Variants in MIS18A observed in about 807,000 individuals in gnomAD.
MIS18A encodes the protein protein Mis18-alpha.
MIS18A carries 14 observed loss-of-function variants against 25.0 expected under a neutral mutation model. The observed-to-expected ratio is 0.56, with a 90% CI of 0.37 to 0.88. The LOEUF (loss-of-function observed/expected upper bound fraction) is 0.88. Ranked by LOEUF, MIS18A falls within the 40% of genes least tolerant of loss-of-function variation. The pLI is 0.00. For missense variants in MIS18A, 292 were observed against 290.8 expected, an observed-to-expected ratio of 1.00 and a Z score of -0.03; for synonymous variants, 134 against 118.6, an observed-to-expected ratio of 1.13 and a Z score of -0.84.
At chr21:32,250,403 C>T in the MIS18A span, among the ~76,000 whole-genome samples, 1 of 152,140 alleles carries the variant, frequency 6.6e-6, no homozygotes, top group Non-Finnish European at 1.5e-5. Context: ...GCAAGGTCAC[C>T]CTCACACTCA....
the MIS18A span, among the ~76,000 whole-genome samples, chr21:32,228,249 T>C: frequency 6.6e-6 from 1 of 152,072 alleles, no homozygotes; most frequent in Non-Finnish European, 1.5e-5. Context: ...CCACCAGACC[T>C]GGCTAATTTT....
the MIS18A span, among the ~76,000 whole-genome samples, chr21:32,184,330 T>G: frequency 6.6e-6 from 1 of 152,212 alleles, no homozygotes; most frequent in Non-Finnish European, 1.5e-5. Context: ...ACTTCCATAC[T>G]GAGAAGATAA....
chr21:32,232,914 A>G, the MIS18A span, among the ~76,000 whole-genome samples: 1 of 152,186 alleles, frequency 6.6e-6, no homozygotes, highest in African/African-American at 2.4e-5. Flanking sequence ...TGCTCTCTAC[A>G]GGGTATTAGA....
At chr21:32,199,107 C>T in the MIS18A span, among the ~76,000 whole-genome samples, 40 of 152,122 alleles carry the variant, frequency 2.6e-4, no homozygotes, top group South Asian at 1.2e-3. Flanking sequence ...CTAAAGTAGG[C>T]GTTTTTCTCA....
chr21:32,199,947 G>A, the MIS18A span, among the ~76,000 whole-genome samples: 14,413 of 152,246 alleles, frequency 0.095, 756 homozygotes, highest in Middle Eastern at 0.17. Context: ...TTACAAAAGT[G>A]TGTTTCAAGA....
At chr21:32,177,357 T>C in the MIS18A span, among the ~76,000 whole-genome samples, 1 of 152,154 alleles carries the variant, frequency 6.6e-6, no homozygotes, top group Admixed American at 6.5e-5. Flanking sequence ...ATGATACTGA[T>C]GATGCATTAC....
chr21:32,193,503 GAT>G, the MIS18A span, among the ~76,000 whole-genome samples: 2 of 110,328 alleles, frequency 1.8e-5, no homozygotes, highest in East Asian at 6.6e-4. Flanking sequence ...TAGATAGATA[GAT>G]AGATAGATAG....
At chr21:32,249,801 G>A in the MIS18A span, among the ~76,000 whole-genome samples, 6 of 152,248 alleles carry the variant, frequency 3.9e-5, no homozygotes, top group South Asian at 2.1e-4. Context: ...GGAGGGCACC[G>A]AGTCATTCAT....
the MIS18A span, among the ~76,000 whole-genome samples, chr21:32,164,595 AG>A: frequency 6.6e-6 from 1 of 151,984 alleles, no homozygotes; most frequent in Admixed American, 6.5e-5. Context: ...CTTTTTCCAA[AG>A]GTCACAGCAC....
downstream of MIS18A, among the ~76,000 whole-genome samples, chr21:32,267,262 C>T (rs374711637): frequency 7.7e-4 from 118 of 152,352 alleles, 2 homozygotes; most frequent in East Asian, 0.021. Flanking sequence ...CCTGGATTGA[C>T]GTTCAGATGC....
intron 2 of MIS18A, among the ~76,000 whole-genome samples, chr21:32,274,439 C>G (rs1311421907): frequency 6.6e-6 from 1 of 151,990 alleles, no homozygotes; most frequent in East Asian, 1.9e-4. Context: ...TCCTGACCCC[C>G]CGGTGATCTG....
chr21:32,182,803 A>T, the MIS18A span, among the ~76,000 whole-genome samples: 1 of 152,178 alleles, frequency 6.6e-6, no homozygotes, highest in East Asian at 1.9e-4. Context: ...ATAAAAGTCA[A>T]TGATCTCCAA....
the MIS18A span, among the ~76,000 whole-genome samples, chr21:32,203,347 G>T: frequency 1.3e-5 from 2 of 151,828 alleles, no homozygotes; most frequent in Admixed American, 1.3e-4. Flanking sequence ...GTCACTAAGA[G>T]CTTAGTACAA....
chr21:32,236,679 T>C, the MIS18A span, among the ~76,000 whole-genome samples: 1 of 152,004 alleles, frequency 6.6e-6, no homozygotes, highest in South Asian at 2.1e-4. Flanking sequence ...GGTAAAGGGG[T>C]GGATATGCCC....
chr21:32,182,656 G>C, the MIS18A span, among the ~76,000 whole-genome samples: 1 of 152,144 alleles, frequency 6.6e-6, no homozygotes, highest in East Asian at 1.9e-4. Context: ...AGGGTGCCAA[G>C]AGATTCACAT....
At chr21:32,197,168 C>T in the MIS18A span, among the ~76,000 whole-genome samples, 2 of 152,156 alleles carry the variant, frequency 1.3e-5, no homozygotes, top group Non-Finnish European at 2.9e-5. Flanking sequence ...AGTTCAGTTC[C>T]GATCCCTCGG....
At chr21:32,229,601 C>T in the MIS18A span, among the ~76,000 whole-genome samples, 3 of 152,198 alleles carry the variant, frequency 2.0e-5, no homozygotes, top group Non-Finnish European at 2.9e-5. Context: ...GACATGGTCC[C>T]GCATCTTTGC....
chr21:32,160,466 G>A, the MIS18A span, among the ~76,000 whole-genome samples: 2 of 152,048 alleles, frequency 1.3e-5, no homozygotes, highest in Non-Finnish European at 2.9e-5. Flanking sequence ...CACAGACTCA[G>A]GAGCTCCTGA....
At chr21:32,157,054 C>CTTTTTTTT in the MIS18A span, among the ~76,000 whole-genome samples, 3 of 121,526 alleles carry the variant, frequency 2.5e-5, no homozygotes, top group African/African-American at 3.0e-5. Context: ...TTCTTTCTTT[C>CTTTTTTTT]TTTTTTTTTT....
Sources: allele counts gnomAD v4.1 joint callset (sites outside exome capture counted in the v4.1 genomes callset), GRCh38; gene constraint gnomAD v4.1.1; transcripts MANE v1.5; gene names NCBI Gene and HGNC (gene_info 2026-07-23, HGNC 2026-07-21).